CEP95: variants seen among roughly 807,000 people sequenced by gnomAD.
CEP95 encodes the protein centrosomal protein 95.
A neutral mutation model predicts 111.2 loss-of-function variants in CEP95; 98 were observed. That is an observed-to-expected ratio of 0.88 (90% CI 0.75 to 1.04). The LOEUF (loss-of-function observed/expected upper bound fraction) is 1.04, where lower values mean the gene tolerates loss of function less well. Among genes scored for constraint, CEP95 ranks in the 50% least tolerant of loss-of-function variants. The pLI, the probability that CEP95 is intolerant of heterozygous loss-of-function variation, is 0.00. For synonymous variants in CEP95, 323 were observed against 327.1 expected, an observed-to-expected ratio of 0.99 and a Z score of 0.14; for missense variants, 1,027 against 977.2, an observed-to-expected ratio of 1.05 and a Z score of -0.68.
At chr17:64,506,893 T>C, upstream of CEP95, 1 of 661,522 alleles carries the variant, frequency 1.5e-6, no homozygotes. Flanking sequence ...CGCCCCCGTT[T>C]CACGTCCTGT....
intron 3 of CEP95, among the ~76,000 whole-genome samples, chr17:64,513,519 T>C (rs551333680): frequency 6.6e-6 from 1 of 152,330 alleles, no homozygotes; most frequent in South Asian, 2.1e-4. Context: ...GGGACTGTGC[T>C]ATGATCTATG....
At chr17:64,534,843 T>A in intron 17 of CEP95, 106 bp downstream of exon 17, 1 of 1,323,462 alleles carries the variant, frequency 7.6e-7, no homozygotes, top group East Asian at 2.5e-5. Flanking sequence ...ATCCAAAATC[T>A]AAACTGAAGT....
chr17:64,517,903 C>G (rs1447277823), intron 5 of CEP95, among the ~76,000 whole-genome samples: 2 of 151,928 alleles, frequency 1.3e-5, no homozygotes, highest in Non-Finnish European at 2.9e-5. Context: ...GAGACACAGT[C>G]TTGCTGTGTC....
At chr17:64,515,917 C>G (rs1364182795) in intron 4 of CEP95, 1 of 152,180 alleles carries the variant, frequency 6.6e-6, no homozygotes, top group Non-Finnish European at 1.5e-5. Flanking sequence ...ACCATGGGTT[C>G]AGTGCTGGGT....
At chr17:64,537,400 A>T in intron 19 of CEP95, 1 of 1,375,868 alleles carries the variant, frequency 7.3e-7, no homozygotes, top group Non-Finnish European at 9.4e-7. Context: ...GAATGGAGAG[A>T]AGACTAATAA....
chr17:64,508,600 A>G lies in CEP95; in HGVS notation c.28A>G (p.Thr10Ala). The G allele has an allele frequency of 7.1e-7, 1 of 1,406,940 alleles. No homozygotes were observed. Among genetic ancestry groups the G allele is most frequent in the Non-Finnish European group, 9.3e-7 (1 of 1,069,566 alleles). The allele number at this position is 1,406,940 out of a possible 1,614,324, so 87.2% of individuals were successfully genotyped here. A position where few individuals can be genotyped will look rare whatever the true frequency, so the allele number is the denominator to read the frequency against. The change falls in exon 2 of 20, where the codon ACC becomes GCC. Residue 10 changes from threonine (T) to alanine (A), a missense_variant. Transcript: ENST00000556440. MAGSDAEWV[T>A]IANNLLFKCH... Reference sequence around the variant, plus strand: ...CCCCTTTTTCCCAACAGAGTGGGTAACCATTGCCAATAACCTTCTTTTTAA... The same window carrying G: ...CCCCTTTTTCCCAACAGAGTGGGTAGCCATTGCCAATAACCTTCTTTTTAA...
Position 64,507,313 on chromosome 17 carries a change from T to A in CEP95, c.19+197T>A. On this transcript the variant is annotated intron_variant, in intron 1 of 19. Transcript: ENST00000556440. Reference sequence around the variant, plus strand: ...GCTTCGAGGCCGTGGAACAGCAGTATGCTGTGGGAGAGAGAGAGGCACTGG... The same window carrying A: ...GCTTCGAGGCCGTGGAACAGCAGTAAGCTGTGGGAGAGAGAGAGGCACTGG... 3 of 1,451,278 alleles carry A rather than the reference T, an allele frequency of 2.1e-6. No individual in the cohort carries two copies. The African/African-American group carries it at 4.3e-5, about 21-fold the overall frequency. 89.9% of individuals were successfully genotyped at this position (1,451,278 alleles called of 1,614,324 possible).
chr17:64,525,524 C>A (rs542316388), intron 8 of CEP95, among the ~76,000 whole-genome samples: 2 of 152,156 alleles, frequency 1.3e-5, no homozygotes, highest in South Asian at 4.1e-4. Context: ...TTAGAGAACA[C>A]CTGGCCTGTG....
At chr17:64,511,139 C>T (rs1415790305) in intron 3 of CEP95, among the ~76,000 whole-genome samples, 3 of 152,080 alleles carry the variant, frequency 2.0e-5, no homozygotes, top group African/African-American at 4.8e-5. Context: ...GGAGGCAGGG[C>T]GAGATCACAG....
At chr17:64,531,152 G>T in intron 13 of CEP95, 134 bp downstream of exon 13, 1 of 509,010 alleles carries the variant, frequency 2.0e-6, no homozygotes, top group Non-Finnish European at 3.4e-6. Context: ...AGGATTTCAT[G>T]TCATGATACA....
chr17:64,514,208 C>A, intron 3 of CEP95, 40 bp from the exon 4 acceptor site: 2 of 785,716 alleles, frequency 2.5e-6, no homozygotes, highest in South Asian at 3.5e-5. Flanking sequence ...TTTCAGATTT[C>A]ATGGTTAAAT....
chr17:64,511,334 A>G (rs1363499964), intron 3 of CEP95, among the ~76,000 whole-genome samples: 6 of 152,178 alleles, frequency 3.9e-5, no homozygotes, highest in East Asian at 3.9e-4. Context: ...TTTCAGCCCT[A>G]CAGTCTACAG....
rs142772777 is a variant in CEP95, at chr17:64,521,358, A to G, written c.590-44A>G. On this transcript the variant is annotated intron_variant, in intron 6 of 19. Transcript: ENST00000556440. ...CTTTTAGTATAATGTTCAGCAAACT[A>G]TTTTGATAGTTAAAAATTTTACCTT... 1.7e-4 allele frequency: 253 copies of G among 1,461,276 alleles called. 1 individual carries two copies. In the East Asian group the frequency reaches 5.6e-3, roughly 32 times the overall value. 90.5% of individuals were successfully genotyped at this position (1,461,276 alleles called of 1,614,324 possible). A position where few individuals can be genotyped will look rare whatever the true frequency, so the allele number is the denominator to read the frequency against.
rs1022892210 is a variant in CEP95 at position 64,536,613 on chromosome 17, A to G, written c.2082A>G (p.Lys694=). The G allele has an allele frequency of 1.3e-6, 2 of 1,590,004 alleles. No homozygotes were observed. The highest frequency in any genetic ancestry group is 1.7e-6 in the Non-Finnish European group (2 of 1,172,566). Residue 694 remains lysine (K), a synonymous_variant, in exon 18 of 20, where the codon AAA becomes AAG. Coordinates refer to ENST00000556440, the MANE Select transcript of CEP95 (RefSeq NM_138363.3). ...MRTREEMIFK[K]LFEEGLNIQK... ...TAAATAACTGACAGATATTTAAGAA[A>G]CTGTTTGAAGAAGGTTTAAACATTC...
intron 4 of CEP95, chr17:64,514,577 T>G: frequency 2.4e-6 from 1 of 424,468 alleles, no homozygotes; most frequent in Non-Finnish European, 4.2e-6. Context: ...TGCTCATAAA[T>G]TACTTCAAAA....
At chr17:64,508,855 A>T (rs2038734661) in intron 2 of CEP95, 135 bp downstream of exon 2, 2 of 206,794 alleles carry the variant, frequency 9.7e-6, no homozygotes, top group Non-Finnish European at 1.9e-5. Flanking sequence ...TTGCATATTA[A>T]ATTCTATATT....
intron 5 of CEP95, among the ~76,000 whole-genome samples, chr17:64,518,309 A>C (rs1171216561): frequency 6.6e-6 from 1 of 152,224 alleles, no homozygotes; most frequent in Non-Finnish European, 1.5e-5. Context: ...GTGATACTTA[A>C]TGTTTATTCT....
chr17:64,531,261 G>C (rs1465601513), intron 13 of CEP95, among the ~76,000 whole-genome samples: 1 of 152,170 alleles, frequency 6.6e-6, no homozygotes. Flanking sequence ...CTTCCCATCA[G>C]TTTTTAAGGG....
chr17:64,520,256 G>C (rs1555677319), intron 6 of CEP95, among the ~76,000 whole-genome samples: 1 of 152,192 alleles, frequency 6.6e-6, no homozygotes, highest in African/African-American at 2.4e-5. Context: ...AACATTATAA[G>C]TAGAGAGGGG....
Sources: gnomAD v4.1 joint callset for allele counts (sites outside exome capture counted in the v4.1 genomes callset) on GRCh38, gnomAD v4.1.1 for gene constraint, MANE v1.5 for transcripts, NCBI Gene and HGNC (gene_info 2026-07-23, HGNC 2026-07-21) for gene names.